The following SDK1 variants were observed in gnomAD, a reference collection of about 807,000 sequenced individuals.
The protein encoded by SDK1 is protein sidekick-1.
In SDK1, 157 loss-of-function variants were observed where a neutral mutation model predicts 245.5. That is an observed-to-expected ratio of 0.64 (90% confidence interval 0.56 to 0.73). SDK1 has a LOEUF of 0.73. SDK1 is among the 30% of genes least tolerant of loss of function. The pLI is 0.00. For missense variants in SDK1, 3,583 were observed against 3,002.3 expected (o/e 1.19, Z -4.52); for synonymous variants, 1,647 against 1,278.5 (o/e 1.29, Z -6.15).
intron 5 of SDK1, among the ~76,000 whole-genome samples, chr7:3,914,882 A>G (rs1239927450): frequency 6.6e-6 from 1 of 152,250 alleles, no homozygotes; most frequent in Non-Finnish European, 1.5e-5. Flanking sequence ...AATCATTTCA[A>G]AAGTCGTCGA....
At chr7:3,812,233 G>T (rs1779402492) in intron 4 of SDK1, among the ~76,000 whole-genome samples, 1 of 152,140 alleles carries the variant, frequency 6.6e-6, no homozygotes, top group African/African-American at 2.4e-5. Context: ...GGAATAGTCA[G>T]AGTAAAAATG....
chr7:3,987,247 G>A lies in SDK1; in HGVS notation c.2056G>A (p.Val686Met), dbSNP rs756716734. ...CCCTAATTCTTCCCACAGCCACGCC[G>A]TGGTGCTCTCTTGGGTCCGGCCCTT... is the stretch of plus-strand genomic sequence containing the variant. ...VSPNSSHSHA[V>M]VLSWVRPFDG... Residue 686 changes from valine to methionine, a missense_variant, in exon 14 of 45, where the codon GTG becomes ATG. Coordinates refer to ENST00000404826, the MANE Select transcript of SDK1 (RefSeq NM_152744.4). The A allele has an allele frequency of 2.1e-5, 34 of 1,613,974 alleles. No individual in the cohort carries two copies. The East Asian group carries it at 3.1e-4, about 15-fold the overall frequency.
chr7:3,409,737 G>A (rs1253546881), intron 1 of SDK1, among the ~76,000 whole-genome samples: 1 of 152,122 alleles, frequency 6.6e-6, no homozygotes, highest in Non-Finnish European at 1.5e-5. Flanking sequence ...AAGAAGTTGA[G>A]AGGAGAACCA....
intron 5 of SDK1, among the ~76,000 whole-genome samples, chr7:3,874,398 T>G (rs1353566344): frequency 1.3e-5 from 2 of 152,196 alleles, no homozygotes; most frequent in African/African-American, 4.8e-5. Context: ...TGCTTAGTGC[T>G]TTTGAGTGTG....
At chr7:3,699,377 A>C (rs1459720184) in intron 4 of SDK1, among the ~76,000 whole-genome samples, 1 of 152,156 alleles carries the variant, frequency 6.6e-6, no homozygotes, top group East Asian at 1.9e-4. Context: ...AACATGCTGG[A>C]AATAGAAAGA....
chr7:3,867,603 G>A (rs556439418), intron 5 of SDK1, among the ~76,000 whole-genome samples: 47 of 152,226 alleles, frequency 3.1e-4, no homozygotes, highest in East Asian at 9.7e-4. Context: ...ATCAGATCTC[G>A]TGAGACTTAC....
chr7:3,667,453 C>T (rs1783569249), intron 4 of SDK1, among the ~76,000 whole-genome samples: 1 of 152,202 alleles, frequency 6.6e-6, no homozygotes, highest in South Asian at 2.1e-4. Context: ...TTTTCACCCT[C>T]ATGCTTAAGA....
intron 1 of SDK1, among the ~76,000 whole-genome samples, chr7:3,491,027 C>T (rs1274727914): frequency 6.6e-6 from 1 of 152,220 alleles, no homozygotes; most frequent in Non-Finnish European, 1.5e-5. Flanking sequence ...GTGCCCTGTG[C>T]ACATTTACTC....
At chr7:3,977,585 C>A (rs200022843) in intron 13 of SDK1, among the ~76,000 whole-genome samples, 2 of 152,256 alleles carry the variant, frequency 1.3e-5, no homozygotes, top group African/African-American at 4.8e-5. Context: ...GTGGGCTTCC[C>A]CGGAGGTCTC....
At chr7:3,420,525 C>T (rs543825373) in intron 1 of SDK1, among the ~76,000 whole-genome samples, 2 of 152,242 alleles carry the variant, frequency 1.3e-5, no homozygotes, top group South Asian at 2.1e-4. Flanking sequence ...TTTGCTTTAT[C>T]ATAGCTCTAA....
intron 7 of SDK1, among the ~76,000 whole-genome samples, chr7:3,954,960 A>AT (rs138475287): frequency 0.033 from 4,975 of 148,614 alleles, 286 homozygotes; most frequent in African/African-American, 0.12. Context: ...CTATGAAACC[A>AT]TTTTTTTTTT....
intron 1 of SDK1, among the ~76,000 whole-genome samples, chr7:3,486,764 G>C (rs1354844261): frequency 6.6e-6 from 1 of 151,808 alleles, no homozygotes; most frequent in East Asian, 1.9e-4. Context: ...TAAAAGATTT[G>C]GAAGACTTGT....
At chr7:3,932,801 TAGAC>T (rs1780024061) in intron 5 of SDK1, among the ~76,000 whole-genome samples, 1 of 152,122 alleles carries the variant, frequency 6.6e-6, no homozygotes, top group African/African-American at 2.4e-5. Context: ...TTCCCAGAGA[TAGAC>T]AGGAGAGAAC....
chr7:3,488,775 T>G (rs1196684281), intron 1 of SDK1, among the ~76,000 whole-genome samples: 1 of 152,156 alleles, frequency 6.6e-6, no homozygotes, highest in Non-Finnish European at 1.5e-5. Flanking sequence ...ATTCAATTCT[T>G]CCCTACTCAA....
intron 1 of SDK1, among the ~76,000 whole-genome samples, chr7:3,379,676 G>T (rs752593275): frequency 6.6e-6 from 1 of 152,112 alleles, no homozygotes; most frequent in African/African-American, 2.4e-5. Context: ...ATAATGACGT[G>T]GGAGCATTTT....
chr7:3,616,924 T>G (rs75465741), intron 1 of SDK1, among the ~76,000 whole-genome samples: 3,067 of 152,280 alleles, frequency 0.02, 102 homozygotes, highest in African/African-American at 0.071. Flanking sequence ...TGAAAAGAAA[T>G]TTTCCGTATT....
chr7:4,143,852 G>T (rs1411813841), intron 28 of SDK1, among the ~76,000 whole-genome samples: 1 of 152,184 alleles, frequency 6.6e-6, no homozygotes, highest in Admixed American at 6.5e-5. Context: ...TCCTTGTCTT[G>T]TATGCTTCCT....
At chr7:3,321,849 CTCTCTT>C (rs1779823295) in intron 1 of SDK1, among the ~76,000 whole-genome samples, 1 of 143,994 alleles carries the variant, frequency 6.9e-6, no homozygotes, top group African/African-American at 2.6e-5. Context: ...CTCTCTCTCT[CTCTCTT>C]TCTCTCTTTG....
At chr7:3,571,865 T>C (rs1780127368) in intron 1 of SDK1, among the ~76,000 whole-genome samples, 1 of 152,092 alleles carries the variant, frequency 6.6e-6, no homozygotes, top group Non-Finnish European at 1.5e-5. Flanking sequence ...ATCTGTATTT[T>C]AAAAGCTAAT....
Sources: allele counts gnomAD v4.1 joint callset (sites outside exome capture counted in the v4.1 genomes callset), GRCh38; gene constraint gnomAD v4.1.1; transcripts MANE v1.5; gene names NCBI Gene and HGNC (gene_info 2026-07-23, HGNC 2026-07-21).